Variants in GPR137B observed in about 807,000 individuals in gnomAD.
GPR137B encodes the protein integral membrane protein GPR137B.
GPR137B carries 42 observed loss-of-function variants against 42.5 expected under a neutral mutation model. That is an observed-to-expected ratio of 0.99 (90% CI 0.77 to 1.28). GPR137B has a LOEUF of 1.28. GPR137B is among the 50% of genes most tolerant of loss of function. The pLI is 0.00. For synonymous variants in GPR137B, 218 were observed against 209.7 expected (o/e 1.04, Z -0.34); for missense variants, 487 against 493.9 (o/e 0.99, Z 0.13).
chr1:236,164,928 G>C (rs932456108), intron 1 of GPR137B, among the ~76,000 whole-genome samples: 1 of 151,582 alleles, frequency 6.6e-6, no homozygotes, highest in Non-Finnish European at 1.5e-5. Flanking sequence ...GAGATGGATG[G>C]AGTTTTGCTC....
At chr1:236,180,783 A>G (rs1055886426) in intron 4 of GPR137B, among the ~76,000 whole-genome samples, 2 of 151,830 alleles carry the variant, frequency 1.3e-5, no homozygotes, top group African/African-American at 4.8e-5. Context: ...TACCTGGCTA[A>G]TTTTTTGTAT....
At chr1:236,202,570 C>T (rs1663523678) in intron 5 of GPR137B, among the ~76,000 whole-genome samples, 1 of 152,040 alleles carries the variant, frequency 6.6e-6, no homozygotes, top group Non-Finnish European at 1.5e-5. Flanking sequence ...GTGGGAGCTG[C>T]ATGTAAGCCC....
intron 1 of GPR137B, among the ~76,000 whole-genome samples, chr1:236,151,182 A>G (rs1482337279): frequency 6.6e-6 from 1 of 152,160 alleles, no homozygotes; most frequent in Non-Finnish European, 1.5e-5. Context: ...CAGTACAGAA[A>G]TAGCCCCAGC....
intron 2 of GPR137B, among the ~76,000 whole-genome samples, chr1:236,169,153 C>T (rs1043066205): frequency 1.0e-4 from 15 of 149,942 alleles, no homozygotes; most frequent in African/African-American, 1.5e-4. Context: ...TTCCCCATCC[C>T]GCACCTCCCA....
At chr1:236,175,564 G>A (rs1662662574) in intron 2 of GPR137B, among the ~76,000 whole-genome samples, 1 of 152,294 alleles carries the variant, frequency 6.6e-6, no homozygotes, top group East Asian at 1.9e-4. Flanking sequence ...AACAATAAAA[G>A]CAGGGCTTTT....
At chr1:236,184,823 G>A (rs1416942818) in intron 5 of GPR137B, among the ~76,000 whole-genome samples, 1 of 151,974 alleles carries the variant, frequency 6.6e-6, no homozygotes, top group Admixed American at 6.6e-5. Context: ...CTGGAGTGTA[G>A]TGGCGCGATC....
intron 1 of GPR137B, among the ~76,000 whole-genome samples, chr1:236,165,171 C>T (rs1022856043): frequency 6.6e-6 from 1 of 152,234 alleles, no homozygotes; most frequent in Admixed American, 6.5e-5. Context: ...TCTGAAAGTG[C>T]TGGGATTACA....
intron 6 of GPR137B, chr1:236,207,183 C>T (rs1335422093): frequency 3.0e-6 from 3 of 984,646 alleles, no homozygotes; most frequent in African/African-American, 3.5e-5. Context: ...TCTCAGTGAT[C>T]GGGGAGCAGA....
At chr1:236,185,549 C>G (rs555947131) in intron 5 of GPR137B, among the ~76,000 whole-genome samples, 29 of 152,252 alleles carry the variant, frequency 1.9e-4, no homozygotes, top group South Asian at 6.2e-4. Flanking sequence ...GTTTGAGAAT[C>G]TCTGTCCTTA....
intron 6 of GPR137B, among the ~76,000 whole-genome samples, chr1:236,206,892 T>C (rs1663678788): frequency 6.6e-6 from 1 of 152,224 alleles, no homozygotes; most frequent in South Asian, 2.1e-4. Context: ...CTGTCTTCTC[T>C]CTGCTTGTCC....
At chr1:236,177,119 G>T (rs1034990010) in intron 2 of GPR137B, among the ~76,000 whole-genome samples, 4 of 152,162 alleles carry the variant, frequency 2.6e-5, no homozygotes, top group African/African-American at 9.7e-5. Flanking sequence ...TGAAAGTTAT[G>T]TGAGAGATTT....
chr1:236,167,302 G>A (rs752207511), intron 1 of GPR137B, among the ~76,000 whole-genome samples: 2 of 152,164 alleles, frequency 1.3e-5, no homozygotes, highest in Admixed American at 6.5e-5. Context: ...AGCAAATTTC[G>A]AGTAAACAAT....
intron 2 of GPR137B, among the ~76,000 whole-genome samples, chr1:236,176,160 G>A (rs1379391392): frequency 6.6e-6 from 1 of 152,154 alleles, no homozygotes; most frequent in Admixed American, 6.5e-5. Context: ...GAACAGCAGG[G>A]CCTGTGACAT....
chr1:236,154,974 C>T (rs1159828331), intron 1 of GPR137B, among the ~76,000 whole-genome samples: 1 of 152,168 alleles, frequency 6.6e-6, no homozygotes, highest in African/African-American at 2.4e-5. Flanking sequence ...AAACTGTGAA[C>T]TGCAATTTGT....
chr1:236,148,818 G>A (rs1304752741), intron 1 of GPR137B, among the ~76,000 whole-genome samples: 1 of 152,132 alleles, frequency 6.6e-6, no homozygotes, highest in Non-Finnish European at 1.5e-5. Context: ...AAAGCCTTAT[G>A]AATGAGGAGG....
At chr1:236,146,208 G>C (rs1306441358) in intron 1 of GPR137B, among the ~76,000 whole-genome samples, 4 of 152,112 alleles carry the variant, frequency 2.6e-5, no homozygotes, top group African/African-American at 2.4e-5. Context: ...ATCTAACCTC[G>C]TGTTCTCCTG....
chr1:236,166,381 A>G (rs1030436632), intron 1 of GPR137B, among the ~76,000 whole-genome samples: 1 of 151,088 alleles, frequency 6.6e-6, no homozygotes, highest in Admixed American at 6.6e-5. Context: ...GATAAAGTGG[A>G]ACCAGGACTC....
rs369005073 is a variant in GPR137B, at chr1:236,142,841, G to A, written c.219G>A (p.Lys73=). The part of the protein sequence containing the change: ...QLWLVLRYRH[K]RLSYQSVFLF... ...GGCTGGTGCTGCGTTACCGCCACAA[G>A]CGGCTCAGCTACCAGAGCGTCTTCC... is the stretch of plus-strand genomic sequence containing the variant. Residue 73 remains lysine, a synonymous_variant, in exon 1 of 7, where the codon AAG becomes AAA. Transcript: ENST00000366592. The A allele has an allele frequency of 6.2e-7, 1 of 1,614,080 alleles. No homozygotes were observed. Among genetic ancestry groups the A allele is most frequent in the African/African-American group, 1.3e-5 (1 of 74,952 alleles).
At chr1:236,199,472 A>G (rs1663433877) in intron 5 of GPR137B, among the ~76,000 whole-genome samples, 1 of 152,128 alleles carries the variant, frequency 6.6e-6, no homozygotes. Context: ...ATTGGTACCA[A>G]TTCTTCTTTG....
Sources: gnomAD v4.1 joint callset for allele counts (sites outside exome capture counted in the v4.1 genomes callset) on GRCh38, gnomAD v4.1.1 for gene constraint, MANE v1.5 for transcripts, NCBI Gene and HGNC (gene_info 2026-07-23, HGNC 2026-07-21) for gene names.